Variants in CYP7B1 observed in about 807,000 individuals in gnomAD.
The protein encoded by CYP7B1 is cytochrome P450 7B1.
CYP7B1 carries 29 observed loss-of-function variants against 42.7 expected under a neutral mutation model. That is an observed-to-expected ratio of 0.68 (90% confidence interval 0.51 to 0.93). CYP7B1 has a LOEUF of 0.93. CYP7B1 is among the 40% of genes least tolerant of loss of function. CYP7B1 has a pLI of 0.00. For synonymous variants in CYP7B1, 235 were observed against 218.2 expected, an observed-to-expected ratio of 1.08 and a Z score of -0.68; for missense variants, 655 against 600.5, an observed-to-expected ratio of 1.09 and a Z score of -0.95.
chr8:64,770,322 G>GA (rs1804200940), intron 1 of CYP7B1, among the ~76,000 whole-genome samples: 1 of 152,276 alleles, frequency 6.6e-6, no homozygotes, highest in East Asian at 1.9e-4. Context: ...AGAGTTCCCA[G>GA]AAAAGCCCCT....
chr8:64,757,615 T>TA (rs1807826746), intron 1 of CYP7B1, among the ~76,000 whole-genome samples: 1 of 152,216 alleles, frequency 6.6e-6, no homozygotes, highest in African/African-American at 2.4e-5. Flanking sequence ...GCCCAGTTCT[T>TA]ACATCAGCCA....
At chr8:64,793,856 T>C (rs1032306916) in intron 1 of CYP7B1, among the ~76,000 whole-genome samples, 3 of 151,956 alleles carry the variant, frequency 2.0e-5, no homozygotes, top group African/African-American at 7.2e-5. Flanking sequence ...TAGAAATATG[T>C]CACCTAGATA....
At chr8:64,602,467 C>G (rs1403106518) in intron 5 of CYP7B1, among the ~76,000 whole-genome samples, 1 of 152,194 alleles carries the variant, frequency 6.6e-6, no homozygotes, top group Non-Finnish European at 1.5e-5. Flanking sequence ...GTTGGAAATT[C>G]TGAAACCCTG....
intron 1 of CYP7B1, among the ~76,000 whole-genome samples, chr8:64,790,455 C>T (rs998970570): frequency 1.3e-5 from 2 of 152,106 alleles, no homozygotes; most frequent in African/African-American, 2.4e-5. Context: ...TGAGAAAAGT[C>T]GAAAGCTCCT....
chr8:64,676,892 G>A lies in CYP7B1; in HGVS notation c.123-52353C>T, dbSNP rs142708733. ...TGCACAAAACTGATCCACCATAGCC[G>A]TCTGCTAATGATGCATCTGTCATTT... On this transcript the variant is annotated intron_variant, in intron 1 of 5. Coordinates refer to ENST00000310193, the MANE Select transcript of CYP7B1 (RefSeq NM_004820.5). 1.4e-4 allele frequency among the ~76,000 whole-genome samples: 22 copies of A among 152,064 alleles called. No homozygotes were observed. In the East Asian group the frequency reaches 1.9e-3, roughly 13 times the overall value.
intron 1 of CYP7B1, among the ~76,000 whole-genome samples, chr8:64,685,213 G>T (rs1013499518): frequency 2.0e-5 from 3 of 151,092 alleles, no homozygotes; most frequent in Admixed American, 6.6e-5. Context: ...GCCCCGCGGG[G>T]CCCGAGGGCA....
chr8:64,793,796 T>C (rs77561159), intron 1 of CYP7B1, among the ~76,000 whole-genome samples: 3,006 of 152,054 alleles, frequency 0.02, 105 homozygotes, highest in African/African-American at 0.067. Context: ...TTTATTGATA[T>C]CAACTTAAAG....
At chr8:64,712,306 T>C (rs1807093009) in intron 1 of CYP7B1, among the ~76,000 whole-genome samples, 1 of 151,878 alleles carries the variant, frequency 6.6e-6, no homozygotes, top group Admixed American at 6.6e-5. Flanking sequence ...AACACTTTAC[T>C]GGAACTGGCC....
rs10530120 is a variant in CYP7B1, at chr8:64,618,570, T to TTCTCTCTCTCTCTCTCTC, written c.260-2307_260-2290dup. Among the ~76,000 whole-genome samples the TTCTCTCTCTCTCTCTCTC allele has an allele frequency of 6.6e-3, 961 of 146,314 alleles. 17 individuals carry two copies. The highest frequency in any genetic ancestry group is 0.023 in the African/African-American group (908 of 39,322). ...ATCATTACAAATACACACATTCATT[T>TTCTCTCTCTCTCTCTCTC]TCTCTCTCTCTCTCTCTCTTTCTCT... On this transcript the variant is annotated intron_variant, in intron 2 of 5. Transcript: ENST00000310193.
intron 1 of CYP7B1, among the ~76,000 whole-genome samples, chr8:64,715,463 T>C (rs557584324): frequency 6.6e-6 from 1 of 152,348 alleles, no homozygotes; most frequent in South Asian, 2.1e-4. Context: ...CTCACTGTCC[T>C]GACTTCTCTC....
intron 1 of CYP7B1, among the ~76,000 whole-genome samples, chr8:64,754,758 G>A (rs185180412): frequency 1.2e-4 from 19 of 152,310 alleles, no homozygotes; most frequent in Middle Eastern, 3.4e-3. Context: ...CCCCTGCAGA[G>A]TTTTTAAGCA....
chr8:64,647,408 T>G (rs1805970898), intron 1 of CYP7B1, among the ~76,000 whole-genome samples: 1 of 152,204 alleles, frequency 6.6e-6, no homozygotes, highest in African/African-American at 2.4e-5. Flanking sequence ...GCTGATAGAT[T>G]TGCTTAATTC....
rs1453810560 is a variant in CYP7B1, at chr8:64,752,975, CAGAT to C, written c.122+45487_122+45490del. Among the ~76,000 whole-genome samples the C allele has an allele frequency of 6.6e-5, 10 of 152,252 alleles. No homozygotes were observed. The South Asian group carries it at 1.0e-3, about 16-fold the overall frequency. ...ATCAGAAGAAAGTTGAGAGAACACACAGATAGCATACACACACACACACAATTAA... is the reference window on the plus strand; with the variant it reads ...ATCAGAAGAAAGTTGAGAGAACACACAGCATACACACACACACACAATTAA... On this transcript the variant is annotated intron_variant, in intron 1 of 5. Coordinates refer to ENST00000310193, the MANE Select transcript of CYP7B1 (RefSeq NM_004820.5).
chr8:64,663,965 A>C (rs573357662), intron 1 of CYP7B1, among the ~76,000 whole-genome samples: 1 of 152,256 alleles, frequency 6.6e-6, no homozygotes, highest in South Asian at 2.1e-4. Flanking sequence ...AAAAAAATGG[A>C]GTCTCAGAGG....
At chr8:64,782,406 A>C (rs1466094064) in intron 1 of CYP7B1, among the ~76,000 whole-genome samples, 2 of 152,168 alleles carry the variant, frequency 1.3e-5, no homozygotes, top group African/African-American at 4.8e-5. Flanking sequence ...ACATGAGGGC[A>C]CAGTGAACAG....
intron 1 of CYP7B1, among the ~76,000 whole-genome samples, chr8:64,656,114 T>C (rs1806116988): frequency 6.6e-6 from 1 of 152,134 alleles, no homozygotes. Flanking sequence ...CCCTGTTACA[T>C]GAGTTTACCT....
intron 1 of CYP7B1, among the ~76,000 whole-genome samples, chr8:64,740,403 G>T (rs1287967950): frequency 1.3e-5 from 2 of 151,456 alleles, no homozygotes; most frequent in East Asian, 1.9e-4. Flanking sequence ...TATAAAAGAA[G>T]ATCTATAATC....
chr8:64,734,108 T>G (rs749884281), intron 1 of CYP7B1, among the ~76,000 whole-genome samples: 2 of 152,262 alleles, frequency 1.3e-5, no homozygotes, highest in Non-Finnish European at 2.9e-5. Context: ...TATGTATTTA[T>G]GTGCTTACTT....
chr8:64,709,352 G>A (rs970014454), intron 1 of CYP7B1, among the ~76,000 whole-genome samples: 2 of 152,200 alleles, frequency 1.3e-5, no homozygotes, highest in Non-Finnish European at 2.9e-5. Flanking sequence ...AATATAAAGT[G>A]TAGAGGGAGA....
Sources: allele counts gnomAD v4.1 joint callset (sites outside exome capture counted in the v4.1 genomes callset), GRCh38; gene constraint gnomAD v4.1.1; transcripts MANE v1.5; gene names NCBI Gene and HGNC (gene_info 2026-07-23, HGNC 2026-07-21).